The following PPRC1 variants were observed in gnomAD, a reference collection of about 807,000 sequenced individuals.
PPRC1 encodes the protein peroxisome proliferator-activated receptor gamma coactivator-related protein 1.
PPRC1 carries 23 observed loss-of-function variants against 132.5 expected under a neutral mutation model. The ratio of observed to expected loss-of-function variants is 0.17; its 90% CI spans 0.12 to 0.25. PPRC1 has a LOEUF of 0.25. Ranked by LOEUF, PPRC1 falls within the 10% of genes least tolerant of loss-of-function variation. PPRC1 has a pLI of 1.00. For missense variants in PPRC1, 2,006 were observed against 2,089.1 expected (o/e 0.96, Z 0.78); for synonymous variants, 872 against 833.5 (o/e 1.05, Z -0.80).
chr10:102,146,310 GGAGACGATA>G (rs1211732333), intron 8 of PPRC1, among the ~76,000 whole-genome samples: 1 of 152,186 alleles, frequency 6.6e-6, no homozygotes, highest in Non-Finnish European at 1.5e-5. Flanking sequence ...CTGCAAGTGG[GGAGACGATA>G]GATGATGACT....
chr10:102,130,618 C>T (rs955815580), upstream of PPRC1, among the ~76,000 whole-genome samples: 4 of 151,854 alleles, frequency 2.6e-5, no homozygotes, highest in African/African-American at 9.7e-5. Flanking sequence ...GCCTGTAACC[C>T]CAGCTACTCA....
chr10:102,134,948 G>C (rs4917960), intron 1 of PPRC1, among the ~76,000 whole-genome samples: 85,357 of 152,080 alleles, frequency 0.56, 27,020 homozygotes, highest in African/African-American at 0.87. Context: ...CCCTTCCCCC[G>C]AAAACCAAAG....
chr10:102,126,152 G>A, the PPRC1 span, among the ~76,000 whole-genome samples: 13,709 of 151,892 alleles, frequency 0.09, 839 homozygotes, highest in African/African-American at 0.18. Flanking sequence ...ATGAGCCACC[G>A]CGCCCGGCTT....
upstream of PPRC1, among the ~76,000 whole-genome samples, chr10:102,128,923 C>CTTTT (rs1027475920): frequency 4.1e-4 from 31 of 75,630 alleles, no homozygotes; most frequent in Non-Finnish European, 5.6e-4. Flanking sequence ...CAGCGGCAGT[C>CTTTT]TTTTTTTTTT....
rs749504723 is a variant in PPRC1, at chr10:102,141,358, T to C, written c.2850T>C (p.Pro950=). ...PPTVPLVSGT[P]GAYAVPPTCS... ...CGGTGCCCCTAGTGTCTGGTACTCC[T>C]GGTGCCTATGCCGTGCCTCCCACTT... Residue 950 remains proline (P), a synonymous_variant, in exon 5 of 14, where the codon CCT becomes CCC. Transcript: ENST00000278070. 3 of 1,614,156 alleles carry C rather than the reference T, an allele frequency of 1.9e-6. No individual in the cohort carries two copies. The highest frequency in any genetic ancestry group is 1.7e-6 in the Non-Finnish European group (2 of 1,180,018).
In PPRC1 at chr10:102,140,372, G is replaced by T. The variant is rs750735382; in HGVS notation, c.1864G>T (p.Val622Phe). 6 of 1,614,182 alleles carry T rather than the reference G, an allele frequency of 3.7e-6. No individual in the cohort carries two copies. The highest frequency in any genetic ancestry group is 1.1e-5 in the South Asian group (1 of 91,086). Reference protein sequence around the residue: ...VDLASTSSELVEPLPAEPVLI... With the variant: ...VDLASTSSELFEPLPAEPVLI... ...CCTTGCTTCAACCAGCTCAGAACTG[G>T]TTGAGCCTCTCCCGGCTGAGCCAGT... The change falls in exon 5 of 14, where the codon GTT becomes TTT. Residue 622 changes from valine (V) to phenylalanine (F), a missense_variant. Coordinates refer to ENST00000278070, the MANE Select transcript of PPRC1 (RefSeq NM_015062.5).
chr10:102,136,882 A>AGAGGC (rs1210625702), intron 1 of PPRC1, among the ~76,000 whole-genome samples: 4 of 152,158 alleles, frequency 2.6e-5, no homozygotes, highest in East Asian at 1.9e-4. Context: ...GCCTGACACG[A>AGAGGC]GAGGCCGTAA....
rs145446235 is a variant in PPRC1 at position 102,146,725 on chromosome 10, G to A, written c.3733G>A (p.Val1245Ile). Residue 1245 changes from valine (V) to isoleucine (I), a missense_variant, in exon 9 of 14, where the codon GTC (valine) becomes ATC (isoleucine). Coordinates refer to ENST00000278070, the MANE Select transcript of PPRC1 (RefSeq NM_015062.5). ...CCAGTTATGGAAGCCCCTGGCTGCTGTCTCACTGCTGGCCAAAGCCAAATC... is the reference window on the plus strand; with the variant it reads ...CCAGTTATGGAAGCCCCTGGCTGCTATCTCACTGCTGGCCAAAGCCAAATC... Reference protein sequence around the residue: ...PHQLWKPLAAVSLLAKAKSPK... With the variant: ...PHQLWKPLAAISLLAKAKSPK... 6.2e-7 allele frequency: 1 copy of A among 1,613,826 alleles called. No individual in the cohort carries two copies. Among genetic ancestry groups the A allele is most frequent in the East Asian group, 2.2e-5 (1 of 44,870 alleles).
intron 6 of PPRC1, among the ~76,000 whole-genome samples, chr10:102,143,521 C>T (rs966942915): frequency 1.3e-5 from 2 of 151,520 alleles, no homozygotes; most frequent in African/African-American, 4.9e-5. Flanking sequence ...ATTGTTTGAA[C>T]CCAGCAGGCA....
At position 102,140,119 on chromosome 10, in the gene PPRC1, T is replaced by C; in HGVS notation, c.1611T>C (p.Pro537=). 4 of 1,614,212 alleles carry C rather than the reference T, an allele frequency of 2.5e-6. No homozygotes were observed. Among genetic ancestry groups the C allele is most frequent in the Non-Finnish European group, 2.5e-6 (3 of 1,180,032 alleles). ...AWAAALENSS[P]KNLERSAGQS... Reference sequence around the variant, plus strand: ...CAGCTGCCTTGGAGAATTCTAGCCCTAAGAACTTGGAGAGAAGTGCTGGAC... The same window carrying C: ...CAGCTGCCTTGGAGAATTCTAGCCCCAAGAACTTGGAGAGAAGTGCTGGAC... Residue 537 remains proline (P), a synonymous_variant, in exon 5 of 14, where the codon CCT becomes CCC. Coordinates refer to ENST00000278070, the MANE Select transcript of PPRC1 (RefSeq NM_015062.5).
chr10:102,145,218 C>A, intron 8 of PPRC1, 128 bp downstream of exon 8: 1 of 867,970 alleles, frequency 1.2e-6, no homozygotes, highest in Non-Finnish European at 1.8e-6. Context: ...GAGATACTCA[C>A]AGTCTAGGGG....
At position 102,141,482 on chromosome 10, in the gene PPRC1, C is replaced by G; in HGVS notation, c.2974C>G (p.Pro992Ala). The change falls in exon 5 of 14, where the codon CCA becomes GCA. Residue 992 changes from proline (P) to alanine (A), a missense_variant. Pro to Ala is a conservative substitution (Grantham distance 27, BLOSUM62 -1). Around this residue, in one of 2 missense-constraint regions of PPRC1, gnomAD observed 1,914 missense variants for 1,917.2 expected, o/e 1.00. Transcript: ENST00000278070. ...LGWGPGPQHAPFWSTVPPPPL... is the reference protein window; with the variant it reads ...LGWGPGPQHAAFWSTVPPPPL... ...ATGGGGCCCAGGGCCTCAACATGCT[C>G]CATTCTGGTCTACTGTTCCCCCACC... 1 of 1,613,848 alleles carries G rather than the reference C, an allele frequency of 6.2e-7. No individual in the cohort carries two copies. The highest frequency in any genetic ancestry group is 8.5e-7 in the Non-Finnish European group (1 of 1,179,968).
intron 7 of PPRC1, 102 bp downstream of exon 7, chr10:102,144,409 A>T: frequency 9.0e-7 from 1 of 1,108,128 alleles, no homozygotes; most frequent in Non-Finnish European, 1.3e-6. Context: ...GGGACGCTGT[A>T]GTCAGCTCTA....
chr10:102,141,350 G>T lies in PPRC1; in HGVS notation c.2842G>T (p.Gly948Cys). 6.2e-7 allele frequency: 1 copy of T among 1,614,022 alleles called. No individual in the cohort carries two copies. Among genetic ancestry groups the T allele is most frequent in the Non-Finnish European group, 8.5e-7 (1 of 1,179,972 alleles). Residue 948 changes from glycine to cysteine, a missense_variant, in exon 5 of 14, where the codon GGT becomes TGT. Gly to Cys is a radical substitution (Grantham distance 159, BLOSUM62 -3). Around this residue, in one of 2 missense-constraint regions of PPRC1, gnomAD observed 1,914 missense variants for 1,917.2 expected, o/e 1.00. Coordinates refer to ENST00000278070, the MANE Select transcript of PPRC1 (RefSeq NM_015062.5). ...CCCACCAACGGTGCCCCTAGTGTCTGGTACTCCTGGTGCCTATGCCGTGCC... is the reference window on the plus strand; with the variant it reads ...CCCACCAACGGTGCCCCTAGTGTCTTGTACTCCTGGTGCCTATGCCGTGCC... ...PPPPTVPLVS[G>C]TPGAYAVPPT... is the part of the protein sequence containing the mutation.
At position 102,148,731 on chromosome 10, in the gene PPRC1, AC is replaced by A; in HGVS notation, c.4617+42del. On this transcript the variant is annotated intron_variant, in intron 11 of 13. Coordinates refer to ENST00000278070, the MANE Select transcript of PPRC1 (RefSeq NM_015062.5). This position sits in a 1 kb window ranked among gnomAD's most constrained non-coding sequence, Gnocchi z 4.2. ...AACAGATCATGGGAGGATGGGGCTT[AC>A]CCCCTGAGCCTTGAGCTCAGAGAGC... The A allele has an allele frequency of 6.2e-7, 1 of 1,613,828 alleles. No homozygotes were observed. The highest frequency in any genetic ancestry group is 8.5e-7 in the Non-Finnish European group (1 of 1,179,794).
intron 7 of PPRC1, 25 bp downstream of exon 7, chr10:102,144,332 T>A: frequency 6.2e-7 from 1 of 1,609,224 alleles, no homozygotes; most frequent in Non-Finnish European, 8.5e-7. Context: ...ATGAGCGAGT[T>A]ACCCTACAGC....
At chr10:102,147,422 C>T in intron 9 of PPRC1, 30 bp downstream of exon 9, 1 of 1,566,884 alleles carries the variant, frequency 6.4e-7, no homozygotes, top group Non-Finnish European at 8.6e-7. Context: ...TAGGTCCTCT[C>T]CATTTAGGAA....
In PPRC1 at chr10:102,141,194, C is replaced by T; in HGVS notation, c.2686C>T (p.Pro896Ser). 1 of 1,614,066 alleles carries T rather than the reference C, an allele frequency of 6.2e-7. No homozygotes were observed. The highest frequency in any genetic ancestry group is 8.5e-7 in the Non-Finnish European group (1 of 1,179,948). Residue 896 changes from proline to serine, a missense_variant, in exon 5 of 14, where the codon CCC (proline) becomes TCC (serine). Transcript: ENST00000278070. The stretch of plus-strand genomic sequence containing the variant: ...CATGCCCCCCAGTCTGCCCCCACCT[C>T]CCTTGCAGCCTCCTAGTCTTCCATT... Reference protein sequence around the residue: ...LGMPPSLPPPPLQPPSLPLSM... With the variant: ...LGMPPSLPPPSLQPPSLPLSM...
In PPRC1 at chr10:102,147,266, G is replaced by A. The variant is rs781483493; in HGVS notation, c.4274G>A (p.Arg1425His). ...CAGGGCTGGCAGGGCCGCCGAGGCC[G>A]CAACAGCCGTTCTGTCAGCTCTGGG... ...SSQGWQGRRGRNSRSVSSGSN... is the reference protein window; with the variant it reads ...SSQGWQGRRGHNSRSVSSGSN... The change falls in exon 9 of 14, where the codon CGC (arginine) becomes CAC (histidine). Residue 1425 changes from arginine to histidine, a missense_variant. Physicochemically the swap from Arg to His is conservative, Grantham distance 29. This residue lies in a region of PPRC1 where 1,914 missense variants were observed against 1,917.2 expected (regional missense o/e 1.00). Transcript: ENST00000278070. The A allele has an allele frequency of 1.4e-5, 23 of 1,612,770 alleles. 1 individual carries two copies. Among genetic ancestry groups the A allele is most frequent in the Middle Eastern group, 3.3e-4 (2 of 6,084 alleles).
Sources: allele counts gnomAD v4.1 joint callset (sites outside exome capture counted in the v4.1 genomes callset), GRCh38; gene constraint gnomAD v4.1.1; regional missense constraint gnomAD v4.1.1; non-coding constraint Gnocchi (gnomAD v3.1); transcripts MANE v1.5; gene names NCBI Gene and HGNC (gene_info 2026-07-23, HGNC 2026-07-21).